PPFIA2: variants seen among roughly 807,000 people sequenced by gnomAD.
PPFIA2 encodes the protein liprin-alpha-2.
PPFIA2 carries 46 observed loss-of-function variants against 175.5 expected under a neutral mutation model. The ratio of observed to expected loss-of-function variants is 0.26; its 90% confidence interval spans 0.21 to 0.34. The LOEUF is 0.34. Ranked by LOEUF, PPFIA2 falls within the 10% of genes least tolerant of loss-of-function variation. PPFIA2 has a pLI of 1.00. For missense variants in PPFIA2, 1,179 were observed against 1,506.1 expected (o/e 0.78, Z 3.60); for synonymous variants, 568 against 511.4 (o/e 1.11, Z -1.49).
In PPFIA2 at chr12:81,580,257, G is replaced by A. The variant is rs61937275; in HGVS notation, c.303+96534C>T. 5.5e-3 allele frequency among the ~76,000 whole-genome samples: 830 copies of A among 151,844 alleles called. 5 individuals are homozygous for A. The highest frequency in any genetic ancestry group is 0.014 in the Middle Eastern group (4 of 294). On this transcript the variant is annotated intron_variant, in intron 4 of 32. Transcript: ENST00000549396. The stretch of plus-strand genomic sequence containing the variant: ...TTCACCTTGATGACAATCCCTTGAG[G>A]TTGGTATTCCTATCTGCCCCATTTT...
Position 81,412,665 on chromosome 12 carries a change from A to T in PPFIA2, c.646-6762T>A, listed in dbSNP as rs2143009378. Among the ~76,000 whole-genome samples the T allele has an allele frequency of 1.3e-5, 2 of 152,018 alleles. 1 individual carries two copies. Among genetic ancestry groups the T allele is most frequent in the South Asian group, 4.1e-4 (2 of 4,826 alleles). ...GCTGAGGATGAATCCTGGCCCATGT[A>T]GTTGTTGCTGGTTGTACGATCTTGT... On this transcript the variant is annotated intron_variant, in intron 7 of 32. Coordinates refer to ENST00000549396, the MANE Select transcript of PPFIA2 (RefSeq NM_003625.5).
chr12:81,259,760 C>G (rs2034735246), intron 32 of PPFIA2, 100 bp from the exon 33 acceptor site: 3 of 989,742 alleles, frequency 3.0e-6, no homozygotes, highest in Non-Finnish European at 4.5e-6. Flanking sequence ...CCTGCTTACT[C>G]CTGTCCTAGA....
intron 16 of PPFIA2, 80 bp from the exon 17 acceptor site, chr12:81,353,419 A>C (rs1179007472): frequency 2.0e-6 from 2 of 986,726 alleles, no homozygotes; most frequent in Admixed American, 3.9e-5. Flanking sequence ...CAGCAACAAC[A>C]ACAGGCATGC....
intron 8 of PPFIA2, among the ~76,000 whole-genome samples, chr12:81,402,336 G>T (rs1207875247): frequency 6.8e-6 from 1 of 147,672 alleles, no homozygotes; most frequent in African/African-American, 2.5e-5. Context: ...CTTTTTAAAA[G>T]TTCTCAATAA....
At chr12:81,572,098 G>A (rs1223430096) in intron 4 of PPFIA2, among the ~76,000 whole-genome samples, 2 of 152,080 alleles carry the variant, frequency 1.3e-5, no homozygotes, top group African/African-American at 2.4e-5. Context: ...CTACAGCCAT[G>A]CTGGTCTCCT....
At chr12:81,727,272 C>G (rs953576697) in intron 3 of PPFIA2, among the ~76,000 whole-genome samples, 2 of 151,292 alleles carry the variant, frequency 1.3e-5, no homozygotes, top group East Asian at 3.9e-4. Context: ...ATTCATAGTA[C>G]TAGGAGTCAG....
intron 7 of PPFIA2, among the ~76,000 whole-genome samples, chr12:81,435,458 CTG>C (rs1250115536): frequency 2.0e-5 from 3 of 151,998 alleles, no homozygotes; most frequent in East Asian, 3.9e-4. Context: ...TCCTGGATGT[CTG>C]GGGAGAATAG....
At chr12:81,698,994 G>A (rs1273026826) in intron 3 of PPFIA2, among the ~76,000 whole-genome samples, 1 of 152,026 alleles carries the variant, frequency 6.6e-6, no homozygotes, top group Non-Finnish European at 1.5e-5. Context: ...TTTGAAAGCA[G>A]ACATTTCTAC....
At chr12:81,308,434 C>A (rs912813035) in intron 22 of PPFIA2, among the ~76,000 whole-genome samples, 3 of 152,124 alleles carry the variant, frequency 2.0e-5, no homozygotes, top group Non-Finnish European at 4.4e-5. Context: ...AGTCATGGAA[C>A]CGTCGAGGTG....
chr12:81,319,153 CACTT>C (rs949180363), intron 22 of PPFIA2, among the ~76,000 whole-genome samples: 27 of 151,784 alleles, frequency 1.8e-4, no homozygotes, highest in Non-Finnish European at 3.0e-5. Flanking sequence ...CTGTTCTACT[CACTT>C]TGTTAATATA....
intron 7 of PPFIA2, among the ~76,000 whole-genome samples, chr12:81,407,058 C>T (rs967294947): frequency 2.6e-5 from 4 of 152,156 alleles, no homozygotes; most frequent in Non-Finnish European, 5.9e-5. Flanking sequence ...TCTTTTCTCT[C>T]GTATAACTGT....
At chr12:81,668,881 T>G (rs960292298) in intron 4 of PPFIA2, among the ~76,000 whole-genome samples, 6 of 152,050 alleles carry the variant, frequency 3.9e-5, no homozygotes, top group African/African-American at 1.4e-4. Context: ...TCCTGCATTT[T>G]TTGAAGTTTT....
At chr12:81,644,227 T>C (rs972781991) in intron 4 of PPFIA2, among the ~76,000 whole-genome samples, 1 of 151,994 alleles carries the variant, frequency 6.6e-6, no homozygotes, top group Non-Finnish European at 1.5e-5. Context: ...TATGGGTAAA[T>C]GATGCATTAC....
intron 8 of PPFIA2, among the ~76,000 whole-genome samples, chr12:81,384,983 A>G (rs2038607652): frequency 6.6e-6 from 1 of 152,144 alleles, no homozygotes; most frequent in African/African-American, 2.4e-5. Context: ...AGTCCGAAAT[A>G]TATAAACAAC....
In PPFIA2 at chr12:81,528,363, G is replaced by C. The variant is rs574638701; in HGVS notation, c.304-70497C>G. Among the ~76,000 whole-genome samples the C allele has an allele frequency of 3.9e-5, 6 of 152,136 alleles. No individual in the cohort carries two copies. The South Asian group carries it at 1.2e-3, about 31-fold the overall frequency. On this transcript the variant is annotated intron_variant, in intron 4 of 32. Transcript: ENST00000549396. ...AATTCCATGTTCCAGAATAGAATTA[G>C]GTAAAGTGTCAGCTTTCTACTGAAG...
At chr12:81,649,316 A>G (rs2066654142) in intron 4 of PPFIA2, among the ~76,000 whole-genome samples, 2 of 152,190 alleles carry the variant, frequency 1.3e-5, no homozygotes, top group African/African-American at 4.8e-5. Context: ...ATGCATGACC[A>G]CATGTTCAAT....
chr12:81,320,162 T>C (rs1352938342), intron 22 of PPFIA2, among the ~76,000 whole-genome samples: 2 of 152,026 alleles, frequency 1.3e-5, no homozygotes, highest in Admixed American at 6.6e-5. Flanking sequence ...TTTATTTTGC[T>C]TACAGATATG....
chr12:81,519,592 A>T (rs1803282263), intron 4 of PPFIA2, among the ~76,000 whole-genome samples: 8 of 152,224 alleles, frequency 5.3e-5, no homozygotes. Context: ...TTCCGCTACT[A>T]TAATGAACCA....
intron 4 of PPFIA2, among the ~76,000 whole-genome samples, chr12:81,485,426 A>T (rs1567020682): frequency 1.3e-5 from 2 of 151,752 alleles, no homozygotes; most frequent in Admixed American, 1.3e-4. Flanking sequence ...AGTTAGTTGC[A>T]CCTGTGTCAC....
Sources: gnomAD v4.1 joint callset for allele counts (sites outside exome capture counted in the v4.1 genomes callset) on GRCh38, gnomAD v4.1.1 for gene constraint, MANE v1.5 for transcripts, NCBI Gene and HGNC (gene_info 2026-07-23, HGNC 2026-07-21) for gene names.